BTC: variants seen among roughly 807,000 people sequenced by gnomAD.
The protein encoded by BTC is betacellulin.
Under a neutral mutation model 18.1 loss-of-function variants are expected in BTC, and 13 were observed. That is an observed-to-expected ratio of 0.72 (90% CI 0.47 to 1.14). The LOEUF (loss-of-function observed/expected upper bound fraction) is 1.14. BTC is among the 50% of genes most tolerant of loss of function. The pLI, the probability that BTC is intolerant of heterozygous loss-of-function variation, is 0.00. For missense variants in BTC, 247 were observed against 224.2 expected, an observed-to-expected ratio of 1.10 and a Z score of -0.65; for synonymous variants, 83 against 79.4, an observed-to-expected ratio of 1.05 and a Z score of -0.24.
chr4:74,788,379 C>A (rs1424985125), intron 1 of BTC, among the ~76,000 whole-genome samples: 1 of 152,126 alleles, frequency 6.6e-6, no homozygotes, highest in Non-Finnish European at 1.5e-5. Flanking sequence ...TGAATTTTCC[C>A]CTAATCACTC....
chr4:74,749,652 A>G (rs1271911765), intron 4 of BTC, among the ~76,000 whole-genome samples: 1 of 149,300 alleles, frequency 6.7e-6, no homozygotes, highest in Non-Finnish European at 1.5e-5. Flanking sequence ...GCTTCTCAAG[A>G]CAAAAAGATA....
intron 2 of BTC, among the ~76,000 whole-genome samples, chr4:74,763,227 T>A (rs183032913): frequency 1.2e-4 from 18 of 152,324 alleles, no homozygotes; most frequent in Admixed American, 1.1e-3. Context: ...ATTATTGTGA[T>A]ATTTAAGCAA....
chr4:74,748,226 A>G (rs1724343319), intron 4 of BTC, 77 bp from the exon 5 acceptor site: 2 of 905,170 alleles, frequency 2.2e-6, no homozygotes, highest in South Asian at 3.1e-5. Context: ...AAGAGATCCT[A>G]TGATCAGGTT....
Position 74,750,627 on chromosome 4 carries a change from A to G in BTC, c.374T>C (p.Ile125Thr). Residue 125 changes from isoleucine to threonine, a missense_variant, in exon 4 of 6, where the codon ATA becomes ACA. Coordinates refer to ENST00000395743, the MANE Select transcript of BTC (RefSeq NM_001729.4). ...DRGQILVICL[I>T]AVMVVFIILV... The stretch of plus-strand genomic sequence containing the variant: ...AATAATAAAAACTACCATAACTGCT[A>G]TCAAACAAATCACCAGAATCTGTCC... 6.2e-7 allele frequency: 1 copy of G among 1,614,010 alleles called. No homozygotes were observed. The highest frequency in any genetic ancestry group is 8.5e-7 in the Non-Finnish European group (1 of 1,179,942).
intron 3 of BTC, among the ~76,000 whole-genome samples, chr4:74,753,566 G>T (rs1303390147): frequency 6.6e-6 from 1 of 152,146 alleles, no homozygotes; most frequent in Non-Finnish European, 1.5e-5. Context: ...ACACACTTTG[G>T]TTTTTTATGT....
chr4:74,757,724 T>C (rs1724639180), intron 2 of BTC, among the ~76,000 whole-genome samples: 1 of 152,232 alleles, frequency 6.6e-6, no homozygotes, highest in African/African-American at 2.4e-5. Context: ...ATAATAGTTT[T>C]AGTACACTGG....
chr4:74,767,391 A>G (rs1158956907), intron 2 of BTC, among the ~76,000 whole-genome samples: 3 of 152,046 alleles, frequency 2.0e-5, no homozygotes, highest in African/African-American at 7.2e-5. Flanking sequence ...AAAGACTTGC[A>G]CACTGAAAAC....
At chr4:74,759,126 C>T (rs1724681136) in intron 2 of BTC, among the ~76,000 whole-genome samples, 1 of 152,000 alleles carries the variant, frequency 6.6e-6, no homozygotes, top group African/African-American at 2.4e-5. Flanking sequence ...ACTATGGAAC[C>T]CAGCGTTTTC....
chr4:74,771,618 C>CT (rs1472504112), intron 1 of BTC, among the ~76,000 whole-genome samples: 5 of 152,114 alleles, frequency 3.3e-5, no homozygotes, highest in African/African-American at 1.2e-4. Context: ...AAGAGAGGCT[C>CT]TTTTTTACCT....
At chr4:74,778,843 T>A (rs1203602192) in intron 1 of BTC, among the ~76,000 whole-genome samples, 1 of 152,108 alleles carries the variant, frequency 6.6e-6, no homozygotes, top group Non-Finnish European at 1.5e-5. Context: ...GCTGAAAGAC[T>A]CTTAGGAGGT....
chr4:74,757,163 C>T (rs1724623994), intron 2 of BTC, among the ~76,000 whole-genome samples: 1 of 152,120 alleles, frequency 6.6e-6, no homozygotes, highest in Admixed American at 6.5e-5. Context: ...CCTGGCATCC[C>T]AATGACATTG....
intron 3 of BTC, among the ~76,000 whole-genome samples, chr4:74,752,554 AT>A (rs1379693733): frequency 6.6e-6 from 1 of 151,800 alleles, no homozygotes; most frequent in African/African-American, 2.4e-5. Context: ...TAATTCTTAT[AT>A]TTTTAGTAGA....
At chr4:74,778,640 T>C (rs993857649) in intron 1 of BTC, among the ~76,000 whole-genome samples, 11 of 152,140 alleles carry the variant, frequency 7.2e-5, no homozygotes, top group Non-Finnish European at 1.3e-4. Flanking sequence ...AGGAAGAATG[T>C]ATCAGACCCA....
intron 3 of BTC, among the ~76,000 whole-genome samples, chr4:74,752,902 G>A (rs1724502481): frequency 6.6e-6 from 1 of 152,156 alleles, no homozygotes; most frequent in African/African-American, 2.4e-5. Flanking sequence ...GGGATTGGTG[G>A]CTTAACAATG....
At chr4:74,767,887 G>T (rs1293567187) in intron 2 of BTC, among the ~76,000 whole-genome samples, 1 of 151,994 alleles carries the variant, frequency 6.6e-6, no homozygotes, top group Non-Finnish European at 1.5e-5. Flanking sequence ...AACTCAAAAT[G>T]GACTGAAGAC....
chr4:74,762,211 T>C (rs1724777382), intron 2 of BTC, among the ~76,000 whole-genome samples: 1 of 152,230 alleles, frequency 6.6e-6, no homozygotes, highest in Admixed American at 6.5e-5. Context: ...TTAGCATTTT[T>C]CTCACATGTT....
At chr4:74,765,959 T>C (rs182924835) in intron 2 of BTC, among the ~76,000 whole-genome samples, 161 of 152,280 alleles carry the variant, frequency 1.1e-3, no homozygotes, top group African/African-American at 3.6e-3. Flanking sequence ...CTTAGTTATA[T>C]GGTATAGCTT....
chr4:74,771,210 T>C (rs1265083208), intron 1 of BTC, among the ~76,000 whole-genome samples: 1 of 152,066 alleles, frequency 6.6e-6, no homozygotes, highest in Non-Finnish European at 1.5e-5. Context: ...AAGAGAAAGA[T>C]GGCTTAGGAA....
intron 1 of BTC, among the ~76,000 whole-genome samples, chr4:74,784,982 A>G (rs1308871302): frequency 6.6e-6 from 1 of 152,182 alleles, no homozygotes; most frequent in East Asian, 1.9e-4. Flanking sequence ...ATTTTCTGGA[A>G]TAGTTTCAGT....
Sources: allele counts gnomAD v4.1 joint callset (sites outside exome capture counted in the v4.1 genomes callset), GRCh38; gene constraint gnomAD v4.1.1; transcripts MANE v1.5; gene names NCBI Gene and HGNC (gene_info 2026-07-23, HGNC 2026-07-21).